RASGEF1A: variants seen among roughly 807,000 people sequenced by gnomAD.
RASGEF1A encodes RasGEF domain family member 1A.
A neutral mutation model predicts 56.4 loss-of-function variants in RASGEF1A; 18 were observed. The observed-to-expected ratio is 0.32, with a 90% CI of 0.22 to 0.47. RASGEF1A has a LOEUF of 0.47. Among genes scored for constraint, RASGEF1A ranks in the 20% least tolerant of loss-of-function variants. The pLI is 1.00. For missense variants in RASGEF1A, 422 were observed against 627.1 expected (o/e 0.67, Z 3.49); for synonymous variants, 245 against 242.6 (o/e 1.01, Z -0.09).
chr10:43,206,974 G>C, intron 1 of RASGEF1A: 1 of 985,480 alleles, frequency 1.0e-6, no homozygotes, highest in Non-Finnish European at 1.2e-6. Flanking sequence ...CTGTGATGGG[G>C]CTCAGGGTCT....
At chr10:43,232,215 A>T (rs1215962426) in intron 1 of RASGEF1A, among the ~76,000 whole-genome samples, 1 of 152,234 alleles carries the variant, frequency 6.6e-6, no homozygotes, top group Non-Finnish European at 1.5e-5. Context: ...CGGAGTTCTC[A>T]TGAATGGGTT....
At chr10:43,234,331 T>C (rs1421355944) in intron 1 of RASGEF1A, among the ~76,000 whole-genome samples, 1 of 152,168 alleles carries the variant, frequency 6.6e-6, no homozygotes, top group Admixed American at 6.5e-5. Context: ...GGAAGGGACC[T>C]GAGCCTCCCT....
chr10:43,264,013 C>G (rs1046922744), intron 1 of RASGEF1A, among the ~76,000 whole-genome samples: 2 of 152,108 alleles, frequency 1.3e-5, no homozygotes, highest in Non-Finnish European at 2.9e-5. Context: ...CCTCTACCAG[C>G]CTGTCCCAGG....
intron 1 of RASGEF1A, among the ~76,000 whole-genome samples, chr10:43,243,450 G>A (rs111908875): frequency 0.21 from 30,238 of 143,266 alleles, 3,196 homozygotes; most frequent in Middle Eastern, 0.27. Context: ...CGGCCACCCC[G>A]CCTGGGAAGT....
At chr10:43,258,564 G>A (rs1836467300) in intron 1 of RASGEF1A, among the ~76,000 whole-genome samples, 1 of 152,212 alleles carries the variant, frequency 6.6e-6, no homozygotes, top group South Asian at 2.1e-4. Flanking sequence ...TGGCCCCTTG[G>A]GACGAGGAGA....
chr10:43,197,695 C>T (rs1441797092), intron 10 of RASGEF1A, among the ~76,000 whole-genome samples: 1 of 152,242 alleles, frequency 6.6e-6, no homozygotes, highest in African/African-American at 2.4e-5. Context: ...ACCTCCAATC[C>T]CACAGGGGTG....
chr10:43,225,885 G>C (rs1682447139), intron 1 of RASGEF1A, among the ~76,000 whole-genome samples: 1 of 152,218 alleles, frequency 6.6e-6, no homozygotes. Flanking sequence ...CGGGGAGGGG[G>C]AGAGAGAGGA....
intron 1 of RASGEF1A, among the ~76,000 whole-genome samples, chr10:43,259,604 A>G (rs1411655905): frequency 1.3e-5 from 2 of 152,160 alleles, no homozygotes; most frequent in Non-Finnish European, 2.9e-5. Flanking sequence ...GTCTCCTGAG[A>G]GCATACCCTC....
In RASGEF1A at chr10:43,220,217, C is replaced by T. The variant is rs546950362; in HGVS notation, c.-6-14095G>A. Among the ~76,000 whole-genome samples the T allele has an allele frequency of 7.2e-5, 11 of 152,332 alleles. No homozygotes were observed. The South Asian group carries it at 8.3e-4, about 11-fold the overall frequency. On this transcript the variant is annotated intron_variant, in intron 1 of 12. Transcript: ENST00000395810. ...GTGGTCCTTAGGGTCTCAAAATAAA[C>T]GGCCAGGCACAATGGCTCACACCTG...
chr10:43,232,954 G>A (rs561436075), intron 1 of RASGEF1A, among the ~76,000 whole-genome samples: 11 of 152,246 alleles, frequency 7.2e-5, no homozygotes, highest in Non-Finnish European at 1.3e-4. Flanking sequence ...GAGTCCTAAC[G>A]AATAGCCCCA....
intron 5 of RASGEF1A, among the ~76,000 whole-genome samples, 162 bp downstream of exon 5, chr10:43,200,505 C>G (rs1039376397): frequency 6.6e-6 from 1 of 152,244 alleles, no homozygotes; most frequent in African/African-American, 2.4e-5. Context: ...GTGCCCGCCA[C>G]TCAGACGGAC....
At chr10:43,240,459 G>A (rs919969433) in intron 1 of RASGEF1A, among the ~76,000 whole-genome samples, 1 of 152,138 alleles carries the variant, frequency 6.6e-6, no homozygotes, top group Admixed American at 6.5e-5. Context: ...AGGAATTGAT[G>A]TTTAAAGAAC....
intron 1 of RASGEF1A, among the ~76,000 whole-genome samples, chr10:43,238,083 C>T (rs1317214): frequency 1.8e-5 from 2 of 112,192 alleles, no homozygotes; most frequent in African/African-American, 7.7e-5. Context: ...GATTGAGACC[C>T]GCCTTTGGGG....
chr10:43,213,187 T>C (rs956824578), intron 1 of RASGEF1A, among the ~76,000 whole-genome samples: 1 of 151,452 alleles, frequency 6.6e-6, no homozygotes, highest in African/African-American at 2.4e-5. Context: ...CAGGTGGCTA[T>C]AGTTTGCAGC....
intron 1 of RASGEF1A, among the ~76,000 whole-genome samples, chr10:43,237,391 G>A (rs902741010): frequency 4.0e-5 from 6 of 151,488 alleles, no homozygotes; most frequent in African/African-American, 1.2e-4. Context: ...CCCAGGCCCC[G>A]GAGCTGATCC....
At position 43,256,049 on chromosome 10, in the gene RASGEF1A, T is replaced by A. The variant is rs1291650341; in HGVS notation, c.-7+10796A>T. On this transcript the variant is annotated intron_variant, in intron 1 of 12. Coordinates refer to ENST00000395810, the MANE Select transcript of RASGEF1A (RefSeq NM_145313.4). ...CCTGCCCCCTAGAGCTACCATAGTG[T>A]TTAGACAGAGGCCATCCCCAGCCTA... Among the ~76,000 whole-genome samples, 4 of 152,140 alleles carry A rather than the reference T, an allele frequency of 2.6e-5. No individual in the cohort carries two copies. The East Asian group carries it at 7.7e-4, about 29-fold the overall frequency.
At chr10:43,246,352 T>G (rs1840566942) in intron 1 of RASGEF1A, among the ~76,000 whole-genome samples, 1 of 152,170 alleles carries the variant, frequency 6.6e-6, no homozygotes, top group Non-Finnish European at 1.5e-5. Flanking sequence ...GACCTACAGA[T>G]TCAATGCAAT....
In RASGEF1A at chr10:43,249,394, C is replaced by A. The variant is rs146754633; in HGVS notation, c.-7+17451G>T. On this transcript the variant is annotated intron_variant, in intron 1 of 12. Coordinates refer to ENST00000395810, the MANE Select transcript of RASGEF1A (RefSeq NM_145313.4). ...AGGGCCCCCACTCCACCCCAGCTAA[C>A]CATGCTCTTCTGAGTCACGGTCCTG... is the stretch of plus-strand genomic sequence containing the variant. 6.9e-3 allele frequency among the ~76,000 whole-genome samples: 1,050 copies of A among 152,364 alleles called. 17 individuals carry two copies. Among genetic ancestry groups the A allele is most frequent in the African/African-American group, 0.024 (992 of 41,578 alleles).
rs546694468 is a variant in RASGEF1A at position 43,201,522 on chromosome 10, G to C, written c.459+286C>G. 1.1e-4 allele frequency among the ~76,000 whole-genome samples: 17 copies of C among 152,324 alleles called. No individual in the cohort carries two copies. The South Asian group carries it at 3.1e-3, about 28-fold the overall frequency. ...AACTCTCAATAGGCTCCCACTCCAG[G>C]GACAAGGACAGCAAGGGCCAGGAGA... On this transcript the variant is annotated intron_variant, in intron 4 of 12. Transcript: ENST00000395810.
Sources: allele counts gnomAD v4.1 joint callset (sites outside exome capture counted in the v4.1 genomes callset), GRCh38; gene constraint gnomAD v4.1.1; transcripts MANE v1.5; gene names NCBI Gene and HGNC (gene_info 2026-07-23, HGNC 2026-07-21).